Variants in RPS16 observed in about 807,000 individuals in gnomAD.
RPS16 encodes ribosomal protein S16.
Under a neutral mutation model 20.1 loss-of-function variants are expected in RPS16, and 2 were observed. The ratio of observed to expected loss-of-function variants is 0.10; its 90% CI spans 0.04 to 0.31. The LOEUF (loss-of-function observed/expected upper bound fraction) is 0.31, where lower values mean the gene tolerates loss of function less well. Among genes scored for constraint, RPS16 ranks in the 10% least tolerant of loss-of-function variants. The probability of loss-of-function intolerance (pLI) is 1.00; values close to 1 mark genes in which losing one functional copy is unlikely to be tolerated. For missense variants in RPS16, 129 were observed against 198.6 expected (o/e 0.65, Z 2.11); for synonymous variants, 95 against 76.1 (o/e 1.25, Z -1.29).
At chr19:39,433,787 A>T in intron 2 of RPS16, 26 bp from the exon 3 acceptor site, 1 of 1,610,634 alleles carries the variant, frequency 6.2e-7, no homozygotes, top group Non-Finnish European at 8.5e-7. Context: ...ATGAACAGGG[A>T]TTTAAGTTAC....
At chr19:39,435,109 G>A in intron 2 of RPS16, 1 of 157,794 alleles carries the variant, frequency 6.3e-6, no homozygotes, top group Non-Finnish European at 1.4e-5. Flanking sequence ...GACCACTCTG[G>A]CCAATATGGC....
In RPS16 at chr19:39,435,930, G is replaced by T. The variant is rs377714471; in HGVS notation, c.-35C>A. 1.2e-5 allele frequency: 19 copies of T among 1,602,226 alleles called. No homozygotes were observed. Among genetic ancestry groups the T allele is most frequent in the Non-Finnish European group, 1.4e-5 (17 of 1,179,878 alleles). On this transcript the variant is annotated 5_prime_UTR_variant, in exon 1 of 5. Coordinates refer to ENST00000251453, the MANE Select transcript of RPS16 (RefSeq NM_001020.6). ...CGTGGACTAGACAACCTCACCGCGC[G>T]GCGCCGCAACCGGAAAAGGAAAGCT...
intron 2 of RPS16, chr19:39,434,701 C>G (rs987083019): frequency 6.6e-6 from 1 of 152,086 alleles, no homozygotes; most frequent in Non-Finnish European, 1.5e-5. Context: ...TGCCTGTAGT[C>G]TTGGCAACCG....
rs200674725 is a variant in RPS16, at chr19:39,435,643, G to T, written c.114C>A (p.Pro38=). 2.7e-5 allele frequency: 44 copies of T among 1,613,842 alleles called. No individual in the cohort carries two copies. The highest frequency in any genetic ancestry group is 3.6e-5 in the Non-Finnish European group (42 of 1,180,038). Residue 38 remains proline, a synonymous_variant, in exon 2 of 5, where the codon CCC becomes CCA. Transcript: ENST00000251453. The part of the protein sequence containing the change: ...GNGLIKVNGR[P]LEMIEPRTLQ... ...GCGTGCGCGGCTCAATCATCTCCAG[G>T]GGCCGCCCGTTCACCTTGATGAGAC...
In RPS16 at chr19:39,433,224, T is replaced by C; in HGVS notation, c.*49A>G. 2 of 1,591,594 alleles carry C rather than the reference T, an allele frequency of 1.3e-6. No homozygotes were observed. Among genetic ancestry groups the C allele is most frequent in the Non-Finnish European group, 1.7e-6 (2 of 1,163,844 alleles). ...ACACACAGTTCTTGAAACTTTAAAATCCCTCAAAAACTGTTTATTATACAA... is the reference window on the plus strand; with the variant it reads ...ACACACAGTTCTTGAAACTTTAAAACCCCTCAAAAACTGTTTATTATACAA... On this transcript the variant is annotated 3_prime_UTR_variant, in exon 5 of 5. Transcript: ENST00000251453.
chr19:39,435,314 AATAAAAAATAGTCGG>A (rs1555738409), intron 2 of RPS16: 1 of 384,084 alleles, frequency 2.6e-6, no homozygotes, highest in Non-Finnish European at 4.7e-6. Flanking sequence ...AAATAAATAA[AATAAAAAATAGTCGG>A]TGTCCCTTCA....
chr19:39,433,713 C>T lies in RPS16; in HGVS notation c.199G>A (p.Asp67Asn). ...LLGKERFAGVDIRVRVKGGGH... is the reference protein window; with the variant it reads ...LLGKERFAGVNIRVRVKGGGH... Reference sequence around the variant, plus strand: ...CCACCCTTTACACGGACACGGATGTCTACACCAGCAAATCGCTCCTTGCCG... The same window carrying T: ...CCACCCTTTACACGGACACGGATGTTTACACCAGCAAATCGCTCCTTGCCG... Residue 67 changes from aspartate to asparagine, a missense_variant, in exon 3 of 5, where the codon GAC becomes AAC. This residue lies in a region of RPS16 where 117 missense variants were observed against 151.4 expected (regional missense o/e 0.77). Transcript: ENST00000251453. 1.2e-6 allele frequency: 2 copies of T among 1,614,204 alleles called. No individual in the cohort carries two copies. Among genetic ancestry groups the T allele is most frequent in the Non-Finnish European group, 1.7e-6 (2 of 1,180,030 alleles).
chr19:39,435,739 T>G, intron 1 of RPS16, 31 bp from the exon 2 acceptor site: 1 of 1,610,374 alleles, frequency 6.2e-7, no homozygotes, highest in Non-Finnish European at 8.5e-7. Context: ...AGGGGCCCCG[T>G]GAGCTCCGGC....
At chr19:39,434,135 C>CGGG (rs2078846800) in intron 2 of RPS16, 1 of 258,058 alleles carries the variant, frequency 3.9e-6, no homozygotes, top group African/African-American at 2.2e-5. Flanking sequence ...AGTCGAAAGC[C>CGGG]ATCCCTGGAC....
In RPS16 at chr19:39,435,715, G is replaced by A. The variant is rs747759408; in HGVS notation, c.49-7C>T. 10 of 1,612,940 alleles carry A rather than the reference G, an allele frequency of 6.2e-6. No homozygotes were observed. Among genetic ancestry groups the A allele is most frequent in the Non-Finnish European group, 8.5e-6 (10 of 1,179,842 alleles). On this transcript the variant is annotated splice_region_variant and splice_polypyrimidine_tract_variant and intron_variant, in intron 1 of 4. Coordinates refer to ENST00000251453, the MANE Select transcript of RPS16 (RefSeq NM_001020.6). ...CCACAGCTGTCGCTGTCTTCTGTAA[G>A]ATACAAGAGAAACAGGGGCCCCGTG...
chr19:39,433,476 C>G (rs1298927321), intron 4 of RPS16, 46 bp downstream of exon 4: 2 of 1,612,582 alleles, frequency 1.2e-6, no homozygotes, highest in African/African-American at 2.7e-5. Context: ...TTGACTTGAT[C>G]CCCACACACC....
rs144766087 is a variant in RPS16, at chr19:39,433,888, G to A, written c.151-127C>T. ...CAAGTACTAGTGGATGGGGGTCAGGGTGTCACTCCAAGGCCCTCTACAGAC... is the reference window on the plus strand; with the variant it reads ...CAAGTACTAGTGGATGGGGGTCAGGATGTCACTCCAAGGCCCTCTACAGAC... On this transcript the variant is annotated intron_variant, in intron 2 of 4. Transcript: ENST00000251453. 2.2e-5 allele frequency: 19 copies of A among 853,636 alleles called. No homozygotes were observed. The East Asian group carries it at 5.1e-4, about 23-fold the overall frequency. The allele number at this position is 853,636 out of a possible 1,614,324, so 52.9% of individuals were successfully genotyped here.
In RPS16 at chr19:39,433,418, T is replaced by A. The variant is rs374657004; in HGVS notation, c.296A>T (p.Tyr99Phe). Reference sequence around the variant, plus strand: ...CTCCTTCTTGGAAGCCTCATCCACATCTGGCAAGAAGAGCAGGGACGAGGA... The same window carrying A: ...CTCCTTCTTGGAAGCCTCATCCACAACTGGCAAGAAGAGCAGGGACGAGGA... ...SKALVAYYQK[Y>F]VDEASKKEIK... The change falls in exon 5 of 5, where the codon TAT becomes TTT. Residue 99 changes from tyrosine (Y) to phenylalanine (F), a missense_variant and splice_region_variant. Tyr to Phe is a conservative substitution (Grantham distance 22). Transcript: ENST00000251453. 15 of 1,614,106 alleles carry A rather than the reference T, an allele frequency of 9.3e-6. No homozygotes were observed. The African/African-American group carries it at 1.7e-4, about 19-fold the overall frequency.
At chr19:39,435,733 G>A (rs201844253) in intron 1 of RPS16, 25 bp from the exon 2 acceptor site, 8 of 1,610,604 alleles carry the variant, frequency 5.0e-6, no homozygotes, top group Non-Finnish European at 5.9e-6. Context: ...AGAAACAGGG[G>A]CCCCGTGAGC....
chr19:39,433,683 G>T lies in RPS16; in HGVS notation c.229C>A (p.His77Asn). ...GACTCACCATAAATCTGGGCCACGTGACCACCACCCTTTACACGGACACGG... is the reference window on the plus strand; with the variant it reads ...GACTCACCATAAATCTGGGCCACGTTACCACCACCCTTTACACGGACACGG... ...DIRVRVKGGG[H>N]VAQIYAIRQS... Residue 77 changes from histidine to asparagine, a missense_variant, in exon 3 of 5, where the codon CAC (histidine) becomes AAC (asparagine). His to Asn is a moderately conservative substitution (Grantham distance 68, BLOSUM62 1). Around this residue, in one of 2 missense-constraint regions of RPS16, gnomAD observed 117 missense variants for 151.4 expected, o/e 0.77. Transcript: ENST00000251453. 6.2e-7 allele frequency: 1 copy of T among 1,614,136 alleles called. No individual in the cohort carries two copies. The highest frequency in any genetic ancestry group is 1.1e-5 in the South Asian group (1 of 91,048).
At chr19:39,434,968 G>C (rs1045350533) in intron 2 of RPS16, 1 of 152,138 alleles carries the variant, frequency 6.6e-6, no homozygotes, top group African/African-American at 2.4e-5. Context: ...CCCAAAAAGG[G>C]AACAGAGGAA....
intron 2 of RPS16, chr19:39,434,072 G>A (rs2078846283): frequency 8.0e-6 from 3 of 376,864 alleles, no homozygotes; most frequent in South Asian, 7.2e-5. Context: ...TTAGAAGGCT[G>A]AACAGTAAGG....
chr19:39,433,690 A>G lies in RPS16; in HGVS notation c.222T>C (p.Gly74=), dbSNP rs1436226666. ...CATAAATCTGGGCCACGTGACCACC[A>G]CCCTTTACACGGACACGGATGTCTA... ...AGVDIRVRVK[G]GGHVAQIYAI... is the part of the protein sequence containing the mutation. The change falls in exon 3 of 5, where the codon GGT becomes GGC. Residue 74 remains glycine, a synonymous_variant. Coordinates refer to ENST00000251453, the MANE Select transcript of RPS16 (RefSeq NM_001020.6). The G allele has an allele frequency of 3.1e-6, 5 of 1,614,068 alleles. No individual in the cohort carries two copies. Among genetic ancestry groups the G allele is most frequent in the Middle Eastern group, 3.3e-4 (2 of 6,060 alleles).
chr19:39,435,904 G>C lies in RPS16; in HGVS notation c.-9C>G, dbSNP rs373168078. On this transcript the variant is annotated 5_prime_UTR_variant, in exon 1 of 5. Transcript: ENST00000251453. ...GGGCCCTTGGACGGCATGGCTCCGA[G>C]CGTGGACTAGACAACCTCACCGCGC... 6.2e-7 allele frequency: 1 copy of C among 1,604,370 alleles called. No homozygotes were observed. The highest frequency in any genetic ancestry group is 1.7e-5 in the Admixed American group (1 of 60,024).
Sources: gnomAD v4.1 joint callset for allele counts on GRCh38, gnomAD v4.1.1 for gene constraint, gnomAD v4.1.1 regional missense constraint, MANE v1.5 for transcripts, NCBI Gene and HGNC (gene_info 2026-07-23, HGNC 2026-07-21) for gene names.